LIMCH1: variants seen among roughly 807,000 people sequenced by gnomAD.
The protein encoded by LIMCH1 is LIM and calponin homology domains 1.
A neutral mutation model predicts 176.5 loss-of-function variants in LIMCH1; 113 were observed. The ratio of observed to expected loss-of-function variants is 0.64; its 90% CI spans 0.55 to 0.75. LIMCH1 has a LOEUF of 0.75. LIMCH1 is among the 30% of genes least tolerant of loss of function. The pLI, the probability that LIMCH1 is intolerant of heterozygous loss-of-function variation, is 0.00. For missense variants in LIMCH1, 1,674 were observed against 1,814.9 expected (o/e 0.92, Z 1.41); for synonymous variants, 619 against 645.9 (o/e 0.96, Z 0.63).
chr4:41,571,008 T>C (rs771807394), intron 1 of LIMCH1, among the ~76,000 whole-genome samples: 24 of 152,242 alleles, frequency 1.6e-4, no homozygotes, highest in Non-Finnish European at 8.8e-5. Context: ...TAAGGAATGA[T>C]TGTTGACCGT....
At chr4:41,489,387 A>G (rs1036507075) in intron 1 of LIMCH1, among the ~76,000 whole-genome samples, 5 of 152,074 alleles carry the variant, frequency 3.3e-5, no homozygotes, top group Admixed American at 6.6e-5. Context: ...ATAAAGCACA[A>G]TTCATTGATT....
intron 17 of LIMCH1, 142 bp from the exon 18 acceptor site, chr4:41,650,251 A>ATT (rs1376708425): frequency 1.5e-6 from 1 of 654,236 alleles, no homozygotes; most frequent in Non-Finnish European, 2.7e-6. Flanking sequence ...AGATCCCATC[A>ATT]GAACATTTAA....
At chr4:41,625,368 A>G (rs887234616) in intron 7 of LIMCH1, among the ~76,000 whole-genome samples, 3 of 152,238 alleles carry the variant, frequency 2.0e-5, no homozygotes, top group African/African-American at 7.2e-5. Flanking sequence ...TATAAAAGTC[A>G]TTTAAGTATT....
upstream of LIMCH1, among the ~76,000 whole-genome samples, chr4:41,534,904 A>G (rs1028159215): frequency 1.3e-4 from 20 of 152,140 alleles, no homozygotes; most frequent in African/African-American, 4.8e-4. Context: ...GCTCATGCCT[A>G]TAATCCCAGA....
chr4:41,567,779 C>T (rs2082965596), intron 1 of LIMCH1, among the ~76,000 whole-genome samples: 1 of 152,116 alleles, frequency 6.6e-6, no homozygotes, highest in Non-Finnish European at 1.5e-5. Context: ...TAATAAATAG[C>T]TCTTTTTTTA....
chr4:41,575,549 T>A (rs2084320899), intron 1 of LIMCH1, among the ~76,000 whole-genome samples: 1 of 152,234 alleles, frequency 6.6e-6, no homozygotes, highest in Admixed American at 6.5e-5. Flanking sequence ...TTGTAACTAC[T>A]TGGCATACAA....
chr4:41,593,818 A>G (rs530485270), intron 1 of LIMCH1, among the ~76,000 whole-genome samples: 13 of 152,326 alleles, frequency 8.5e-5, no homozygotes, highest in Admixed American at 6.5e-4. Context: ...AAGATTTACT[A>G]TCTGACCCTT....
chr4:41,405,935 C>A (rs1221034905), intron 1 of LIMCH1, among the ~76,000 whole-genome samples: 4 of 152,116 alleles, frequency 2.6e-5, no homozygotes, highest in Non-Finnish European at 5.9e-5. Flanking sequence ...ATATGGCCTG[C>A]ACGAAGGAAG....
intron 3 of LIMCH1, among the ~76,000 whole-genome samples, chr4:41,529,328 C>T (rs1485460693): frequency 3.9e-5 from 6 of 152,186 alleles, no homozygotes; most frequent in Non-Finnish European, 8.8e-5. Context: ...TGAATTGTGA[C>T]AGCCGTCGTG....
intron 1 of LIMCH1, among the ~76,000 whole-genome samples, chr4:41,423,565 A>G (rs1353002883): frequency 2.0e-5 from 3 of 152,096 alleles, no homozygotes; most frequent in African/African-American, 7.2e-5. Context: ...AGGCAAAGAA[A>G]TGGGTCAGTT....
rs1204754600 is a variant in LIMCH1, at chr4:41,650,589, C to A, written c.3017C>A (p.Ser1006Tyr). The A allele has an allele frequency of 3.7e-6, 6 of 1,613,716 alleles. No individual in the cohort carries two copies. The South Asian group carries it at 5.5e-5, about 15-fold the overall frequency. The change falls in exon 18 of 32, where the codon TCT becomes TAT. Residue 1006 changes from serine (S) to tyrosine (Y), a missense_variant. By Grantham distance (144) the Ser-to-Tyr change is moderately radical. Coordinates refer to ENST00000503057, the MANE Select transcript of LIMCH1 (RefSeq NM_001330672.2). Reference sequence around the variant, plus strand: ...GAGATCAACATAAAGAAGCCAAACTCTGTTCCCCAAGAGCTCGCAGTAAGA... The same window carrying A: ...GAGATCAACATAAAGAAGCCAAACTATGTTCCCCAAGAGCTCGCAGTAAGA... ...SIEINIKKPN[S>Y]VPQELAATTE...
At chr4:41,487,484 A>G (rs2069825126) in intron 1 of LIMCH1, among the ~76,000 whole-genome samples, 1 of 152,106 alleles carries the variant, frequency 6.6e-6, no homozygotes. Flanking sequence ...AAGAAATTGA[A>G]TTTGATCAGA....
chr4:41,564,475 G>T (rs1399534965), intron 1 of LIMCH1, among the ~76,000 whole-genome samples: 1 of 152,130 alleles, frequency 6.6e-6, no homozygotes, highest in Non-Finnish European at 1.5e-5. Flanking sequence ...TCTGTGCTTG[G>T]TTCTGTGGGG....
intron 13 of LIMCH1, among the ~76,000 whole-genome samples, chr4:41,636,320 T>C (rs1225627283): frequency 1.3e-5 from 2 of 150,164 alleles, no homozygotes; most frequent in Non-Finnish European, 3.0e-5. Flanking sequence ...GTACTTTGCA[T>C]TGGAAAGATT....
intron 1 of LIMCH1, among the ~76,000 whole-genome samples, chr4:41,384,739 G>A (rs1445616045): frequency 6.6e-6 from 1 of 152,174 alleles, no homozygotes; most frequent in Non-Finnish European, 1.5e-5. Context: ...TGCGGTTGTA[G>A]ATATATTAAG....
intron 1 of LIMCH1, among the ~76,000 whole-genome samples, chr4:41,366,095 G>A (rs777670893): frequency 1.3e-5 from 2 of 152,196 alleles, no homozygotes; most frequent in African/African-American, 2.4e-5. Context: ...TGGCCTGGCA[G>A]CTTCTCTTTT....
chr4:41,510,440 G>T (rs2154183839), intron 2 of LIMCH1, among the ~76,000 whole-genome samples: 1 of 152,162 alleles, frequency 6.6e-6, no homozygotes, highest in South Asian at 2.1e-4. Flanking sequence ...TCCATTTTTT[G>T]ATTGTCTCTA....
chr4:41,446,983 C>G (rs1241172986), intron 1 of LIMCH1, among the ~76,000 whole-genome samples: 1 of 152,172 alleles, frequency 6.6e-6, no homozygotes, highest in African/African-American at 2.4e-5. Flanking sequence ...AACTCCTGCA[C>G]TTTGGGAGGC....
At chr4:41,371,266 A>G (rs1239500661) in intron 1 of LIMCH1, among the ~76,000 whole-genome samples, 1 of 152,152 alleles carries the variant, frequency 6.6e-6, no homozygotes, top group East Asian at 1.9e-4. Context: ...AGTTGCGAGG[A>G]AACAATTTCA....
Sources: gnomAD v4.1 joint callset for allele counts (sites outside exome capture counted in the v4.1 genomes callset) on GRCh38, gnomAD v4.1.1 for gene constraint, MANE v1.5 for transcripts, NCBI Gene and HGNC (gene_info 2026-07-23, HGNC 2026-07-21) for gene names.